Variants in OSBPL10 observed in about 807,000 individuals in gnomAD.
OSBPL10 encodes the protein oxysterol-binding protein-related protein 10.
In OSBPL10, 49 loss-of-function variants were observed where a neutral mutation model predicts 81.7. That is an observed-to-expected ratio of 0.60 (90% confidence interval 0.48 to 0.76). The LOEUF is 0.76. Among genes scored for constraint, OSBPL10 ranks in the 30% least tolerant of loss-of-function variants. OSBPL10 has a pLI of 0.00. For missense variants in OSBPL10, 923 were observed against 987.8 expected, an observed-to-expected ratio of 0.93 and a Z score of 0.88; for synonymous variants, 419 against 383.6, an observed-to-expected ratio of 1.09 and a Z score of -1.08.
intron 1 of OSBPL10, among the ~76,000 whole-genome samples, chr3:32,060,039 G>T (rs1699743290): frequency 6.6e-6 from 1 of 151,788 alleles, no homozygotes. Context: ...CTGGTTGGTG[G>T]TTACACAGGT....
intron 4 of OSBPL10, among the ~76,000 whole-genome samples, chr3:31,792,955 C>T (rs535498363): frequency 6.7e-6 from 1 of 149,784 alleles, no homozygotes; most frequent in Admixed American, 6.8e-5. Context: ...TCTGGAAGTA[C>T]CAGGGTCTGA....
At chr3:32,021,976 C>T (rs1336261259) in intron 2 of OSBPL10, among the ~76,000 whole-genome samples, 1 of 25,108 alleles carries the variant, frequency 4.0e-5, no homozygotes, top group African/African-American at 8.2e-5. Context: ...GATAATCTGT[C>T]TCGAAAAAAA....
At chr3:31,758,108 T>C (rs577519257) in intron 4 of OSBPL10, among the ~76,000 whole-genome samples, 2 of 152,340 alleles carry the variant, frequency 1.3e-5, no homozygotes, top group East Asian at 1.9e-4. Context: ...TTTTCCTGGA[T>C]ACCTCCCCAA....
At chr3:31,789,967 T>G (rs1171179397) in intron 4 of OSBPL10, among the ~76,000 whole-genome samples, 1 of 150,260 alleles carries the variant, frequency 6.7e-6, no homozygotes, top group East Asian at 1.9e-4. Flanking sequence ...CTTTTTTTTT[T>G]GCTTAATATA....
intron 6 of OSBPL10, among the ~76,000 whole-genome samples, chr3:31,732,308 A>T (rs1696998578): frequency 2.0e-5 from 3 of 152,212 alleles, no homozygotes; most frequent in Admixed American, 1.3e-4. Context: ...ATGCTACTAC[A>T]TCACTGTCCG....
chr3:31,954,260 C>T (rs1697948480), intron 1 of OSBPL10, among the ~76,000 whole-genome samples: 1 of 152,136 alleles, frequency 6.6e-6, no homozygotes, highest in South Asian at 2.1e-4. Flanking sequence ...GGAGGAGGTA[C>T]TGAATTAAAT....
intron 3 of OSBPL10, among the ~76,000 whole-genome samples, chr3:31,853,623 C>T (rs1245188232): frequency 6.6e-6 from 1 of 152,204 alleles, no homozygotes; most frequent in Non-Finnish European, 1.5e-5. Flanking sequence ...CCCCAAAATG[C>T]TCAATTAACT....
At chr3:31,676,288 A>T (rs576139781) in intron 8 of OSBPL10, among the ~76,000 whole-genome samples, 11 of 151,516 alleles carry the variant, frequency 7.3e-5, no homozygotes, top group South Asian at 2.1e-4. Context: ...GGTTGCATTT[A>T]AAAAAAAATC....
intron 8 of OSBPL10, 109 bp downstream of exon 8, chr3:31,683,525 G>A (rs1700707544): frequency 2.7e-6 from 4 of 1,464,038 alleles, no homozygotes; most frequent in Non-Finnish European, 2.7e-6. Flanking sequence ...TCCAAAACCA[G>A]TTAAAAACAA....
chr3:31,945,472 T>C (rs555887567), intron 1 of OSBPL10, among the ~76,000 whole-genome samples: 5 of 152,334 alleles, frequency 3.3e-5, no homozygotes, highest in Admixed American at 3.3e-4. Context: ...TTGTTCATTG[T>C]TTTTATTTTT....
In OSBPL10 at chr3:31,981,091, G is replaced by A. The variant is rs1392963959; in HGVS notation, c.89C>T (p.Ser30Leu). 4 of 1,492,630 alleles carry A rather than the reference G, an allele frequency of 2.7e-6. No homozygotes were observed. Among genetic ancestry groups the A allele is most frequent in the Admixed American group, 4.5e-5 (2 of 43,980 alleles). 92.5% of individuals were successfully genotyped at this position (1,492,630 alleles called of 1,614,324 possible). ...CCGGCCCGCCAGAGAGCAGGAGGGC[G>A]AGGAGCCCGCCGAGGTAGCACGGCT... ...SSSRATSAGSSPSCSLAGRGV... is the reference protein window; with the variant it reads ...SSSRATSAGSLPSCSLAGRGV... The change falls in exon 1 of 12, where the codon TCG (serine) becomes TTG (leucine). Residue 30 changes from serine (S) to leucine (L), a missense_variant. Transcript: ENST00000396556. The surrounding 1 kb of genome is among the most constrained non-coding windows in gnomAD (Gnocchi z 4.5).
intron 1 of OSBPL10, among the ~76,000 whole-genome samples, chr3:31,913,044 A>G (rs907435209): frequency 7.9e-5 from 12 of 152,196 alleles, no homozygotes; most frequent in African/African-American, 2.9e-4. Context: ...ATATAACAGC[A>G]TAAGAACTGA....
At chr3:31,990,053 G>A (rs201222991) in intron 2 of OSBPL10, 14 of 1,613,878 alleles carry the variant, frequency 8.7e-6, no homozygotes, top group South Asian at 4.4e-5. Context: ...GTTTTTAGTC[G>A]CAAATCAAAT....
rs1404696954 is a variant in OSBPL10, at chr3:31,808,814, C to G, written c.729+21226G>C. On this transcript the variant is annotated intron_variant, in intron 4 of 11. Transcript: ENST00000396556. ...CCTGTCTGTTCCACTAGAATTTAAA[C>G]TTTTCAACAGCAAAGGCTTTGTCTC... 2.0e-5 allele frequency among the ~76,000 whole-genome samples: 3 copies of G among 152,198 alleles called. No homozygotes were observed. The East Asian group carries it at 5.8e-4, about 29-fold the overall frequency.
intron 3 of OSBPL10, among the ~76,000 whole-genome samples, chr3:31,854,276 C>G (rs879576864): frequency 1.3e-5 from 2 of 151,956 alleles, no homozygotes; most frequent in Non-Finnish European, 2.9e-5. Context: ...TCCTTTTAAA[C>G]GTCATCTTCC....
intron 2 of OSBPL10, among the ~76,000 whole-genome samples, chr3:31,994,930 G>A (rs1699073601): frequency 6.6e-6 from 1 of 152,084 alleles, no homozygotes; most frequent in Non-Finnish European, 1.5e-5. Context: ...GGCTGCCAGG[G>A]GTGACATCAC....
At chr3:31,970,905 A>C (rs1210480932) in intron 1 of OSBPL10, among the ~76,000 whole-genome samples, 1 of 152,168 alleles carries the variant, frequency 6.6e-6, no homozygotes, top group African/African-American at 2.4e-5. Context: ...ATGCCTCCAA[A>C]CATTTGTACT....
At chr3:31,808,260 C>T (rs150038045) in intron 4 of OSBPL10, among the ~76,000 whole-genome samples, 20 of 152,240 alleles carry the variant, frequency 1.3e-4, no homozygotes, top group South Asian at 1.2e-3. Context: ...ACGAGGCAAG[C>T]GCAGGCATTT....
At position 31,922,491 on chromosome 3, in the gene OSBPL10, G is replaced by A. The variant is rs1696945496; in HGVS notation, c.282-42661C>T. On this transcript the variant is annotated intron_variant, in intron 1 of 11. Coordinates refer to ENST00000396556, the MANE Select transcript of OSBPL10 (RefSeq NM_017784.5). ...AAGTTAGCTGGGTGTGGTGGAGCGT[G>A]CTTGTAATCCCAGTTACTCGAGAGA... Among the ~76,000 whole-genome samples the A allele has an allele frequency of 2.0e-5, 3 of 152,196 alleles. No homozygotes were observed. The South Asian group carries it at 6.2e-4, about 32-fold the overall frequency.
Sources: allele counts gnomAD v4.1 joint callset (sites outside exome capture counted in the v4.1 genomes callset), GRCh38; gene constraint gnomAD v4.1.1; non-coding constraint Gnocchi (gnomAD v3.1); transcripts MANE v1.5; gene names NCBI Gene and HGNC (gene_info 2026-07-23, HGNC 2026-07-21).